The following SULF2 variants were observed in gnomAD, a reference collection of about 807,000 sequenced individuals.
SULF2 encodes sulfatase 2.
Under a neutral mutation model 107.7 loss-of-function variants are expected in SULF2, and 52 were observed. That is an observed-to-expected ratio of 0.48 (90% CI 0.39 to 0.61). The LOEUF is 0.61. SULF2 is among the 20% of genes least tolerant of loss of function. The pLI is 0.00. For missense variants in SULF2, 993 were observed against 1,177.3 expected (o/e 0.84, Z 2.29); for synonymous variants, 460 against 464.3 (o/e 0.99, Z 0.12).
intron 3 of SULF2, among the ~76,000 whole-genome samples, chr20:47,732,331 A>G (rs73315718): frequency 0.017 from 2,520 of 152,318 alleles, 62 homozygotes; most frequent in African/African-American, 0.057. Context: ...CAGAAGCTAA[A>G]TAACTTGTCC....
At chr20:47,753,098 C>CAAAAAAAA (rs10578438) in intron 2 of SULF2, among the ~76,000 whole-genome samples, 14 of 90,598 alleles carry the variant, frequency 1.5e-4, no homozygotes, top group East Asian at 3.0e-4. Flanking sequence ...GAGACTCTCT[C>CAAAAAAAA]AAAAAAAAAA....
At chr20:47,758,286 C>G (rs2146912374) in intron 1 of SULF2, among the ~76,000 whole-genome samples, 1 of 151,276 alleles carries the variant, frequency 6.6e-6, no homozygotes, top group East Asian at 2.0e-4. Flanking sequence ...TCTCCTGCCT[C>G]AGCCTCTAGA....
intron 10 of SULF2, among the ~76,000 whole-genome samples, chr20:47,674,624 G>T (rs2146458418): frequency 6.6e-6 from 1 of 152,334 alleles, no homozygotes; most frequent in Non-Finnish European, 1.5e-5. Flanking sequence ...GTGTCACCGG[G>T]AGACAGACAG....
chr20:47,663,410 C>T (rs369103523), intron 16 of SULF2, 43 bp downstream of exon 16: 1 of 1,602,142 alleles, frequency 6.2e-7, no homozygotes, highest in Non-Finnish European at 8.5e-7. Context: ...TTTCTTGAAC[C>T]CCTGGGCCTC....
At chr20:47,726,627 G>T (rs1359641698) in intron 3 of SULF2, among the ~76,000 whole-genome samples, 2 of 152,218 alleles carry the variant, frequency 1.3e-5, no homozygotes, top group Non-Finnish European at 2.9e-5. Flanking sequence ...GTGCACCTGA[G>T]AAACTGAAAT....
intron 3 of SULF2, among the ~76,000 whole-genome samples, chr20:47,702,992 T>C (rs1303068189): frequency 6.6e-6 from 1 of 152,220 alleles, no homozygotes; most frequent in Non-Finnish European, 1.5e-5. Context: ...CTTGGCTCAT[T>C]GCAACCTCTG....
chr20:47,743,814 A>ACCT lies in SULF2; in HGVS notation c.176-6875_176-6873dup, dbSNP rs1321730109. Reference sequence around the variant, plus strand: ...AGCTTCCTCTGCTCCAGTCACATTGACCTCCTCCTTGTTGTTCCTCGAACA... The same window carrying ACCT: ...AGCTTCCTCTGCTCCAGTCACATTGACCTCCTCCTCCTTGTTGTTCCTCGAACA... On this transcript the variant is annotated intron_variant, in intron 2 of 20. Coordinates refer to ENST00000688720, the MANE Select transcript of SULF2 (RefSeq NM_001387048.1). Among the ~76,000 whole-genome samples, 4 of 151,678 alleles carry ACCT rather than the reference A, an allele frequency of 2.6e-5. No individual in the cohort carries two copies. The East Asian group carries it at 7.8e-4, about 30-fold the overall frequency.
chr20:47,720,815 C>T (rs1253872344), intron 3 of SULF2, among the ~76,000 whole-genome samples: 4 of 152,156 alleles, frequency 2.6e-5, no homozygotes, highest in Non-Finnish European at 5.9e-5. Context: ...CATTTGGCTT[C>T]CTGGGGCTCC....
At chr20:47,722,613 T>C (rs567065525) in intron 3 of SULF2, among the ~76,000 whole-genome samples, 3 of 152,242 alleles carry the variant, frequency 2.0e-5, no homozygotes, top group East Asian at 3.9e-4. Context: ...TATTTTTGGA[T>C]GGGCAGCAAA....
chr20:47,773,352 T>G (rs2090666568), intron 1 of SULF2, among the ~76,000 whole-genome samples: 1 of 152,204 alleles, frequency 6.6e-6, no homozygotes, highest in Non-Finnish European at 1.5e-5. Flanking sequence ...GGAGGTGGCA[T>G]AAGGAAATGG....
At chr20:47,732,611 G>T (rs11905725) in intron 3 of SULF2, among the ~76,000 whole-genome samples, 2,637 of 147,898 alleles carry the variant, frequency 0.018, 76 homozygotes, top group African/African-American at 0.06. Flanking sequence ...GGAGGCCGAG[G>T]AGGGTGGATC....
chr20:47,693,083 T>C (rs2088251554), intron 4 of SULF2, among the ~76,000 whole-genome samples: 1 of 152,204 alleles, frequency 6.6e-6, no homozygotes, highest in East Asian at 1.9e-4. Context: ...GGATTAATTT[T>C]GGGGAGTAAA....
intron 3 of SULF2, among the ~76,000 whole-genome samples, chr20:47,723,066 CA>C (rs972410360): frequency 1.3e-5 from 2 of 148,536 alleles, no homozygotes; most frequent in African/African-American, 2.5e-5. Context: ...GACTCCGTCT[CA>C]AAAAAAAACC....
chr20:47,695,122 CCT>C (rs1470757055), intron 4 of SULF2, among the ~76,000 whole-genome samples: 12 of 152,208 alleles, frequency 7.9e-5, no homozygotes, highest in African/African-American at 2.9e-4. Context: ...CTGCAGGCCC[CCT>C]GTCTCTGTTG....
chr20:47,662,704 T>TA lies in SULF2; in HGVS notation c.2370+365dup. Among the ~76,000 whole-genome samples the TA allele has an allele frequency of 2.0e-5, 3 of 152,336 alleles. No homozygotes were observed. In the Middle Eastern group the frequency reaches 0.01, roughly 518 times the overall value. On this transcript the variant is annotated intron_variant, in intron 17 of 20. Transcript: ENST00000688720. ...TTGGTGCAGTGTGTTACTGTTATATTAGCTGCGCGGTCCGTGTAGGCCCTG... is the reference window on the plus strand; with the variant it reads ...TTGGTGCAGTGTGTTACTGTTATATTAAGCTGCGCGGTCCGTGTAGGCCCTG...
chr20:47,728,541 T>C (rs2089509486), intron 3 of SULF2, among the ~76,000 whole-genome samples: 1 of 152,024 alleles, frequency 6.6e-6, no homozygotes, highest in Non-Finnish European at 1.5e-5. Flanking sequence ...TCACCAGTCA[T>C]CCTGGGAAGG....
At chr20:47,682,283 G>C (rs562247367) in intron 7 of SULF2, among the ~76,000 whole-genome samples, 126 of 152,304 alleles carry the variant, frequency 8.3e-4, no homozygotes, top group African/African-American at 2.8e-3. Flanking sequence ...TGAGTGCTGG[G>C]TGTGTGTTCC....
At chr20:47,717,423 C>T (rs1468188899) in intron 3 of SULF2, among the ~76,000 whole-genome samples, 1 of 152,198 alleles carries the variant, frequency 6.6e-6, no homozygotes, top group Admixed American at 6.5e-5. Context: ...AGCCTCTCAG[C>T]AGGACTCCAG....
chr20:47,710,602 C>T (rs773773186), intron 3 of SULF2, among the ~76,000 whole-genome samples: 6 of 151,922 alleles, frequency 3.9e-5, no homozygotes, highest in South Asian at 2.1e-4. Flanking sequence ...ACGTGACACA[C>T]GACTGTACAT....
Sources: gnomAD v4.1 joint callset for allele counts (sites outside exome capture counted in the v4.1 genomes callset) on GRCh38, gnomAD v4.1.1 for gene constraint, MANE v1.5 for transcripts, NCBI Gene and HGNC (gene_info 2026-07-23, HGNC 2026-07-21) for gene names.